Variants in OPRM1 observed in about 807,000 individuals in gnomAD.
The protein encoded by OPRM1 is mu-type opioid receptor.
A neutral mutation model predicts 31.8 loss-of-function variants in OPRM1; 27 were observed. That is an observed-to-expected ratio of 0.85 (90% CI 0.63 to 1.17). OPRM1 has a LOEUF of 1.17. OPRM1 is among the 50% of genes most tolerant of loss of function. OPRM1 has a pLI of 0.00. For synonymous variants in OPRM1, 196 were observed against 189.9 expected (o/e 1.03, Z -0.26); for missense variants, 536 against 511.1 (o/e 1.05, Z -0.47).
intron 1 of OPRM1, among the ~76,000 whole-genome samples, chr6:154,023,214 T>A (rs966868064): frequency 6.6e-6 from 1 of 151,026 alleles, no homozygotes; most frequent in Non-Finnish European, 1.5e-5. Context: ...TTAGTGTCCT[T>A]TTACATTTCT....
At chr6:154,174,176 T>G (rs1457722446) in intron 3 of OPRM1, among the ~76,000 whole-genome samples, 1 of 152,124 alleles carries the variant, frequency 6.6e-6, no homozygotes, top group Non-Finnish European at 1.5e-5. Flanking sequence ...AAGGAAGTAC[T>G]AAACATGGAA....
At chr6:154,214,641 A>C (rs1778238341) in intron 3 of OPRM1, among the ~76,000 whole-genome samples, 1 of 152,210 alleles carries the variant, frequency 6.6e-6, no homozygotes, top group Non-Finnish European at 1.5e-5. Context: ...TAAAGTTATT[A>C]GGTGTTACTC....
Position 154,119,276 on chromosome 6 carries a change from G to T in OPRM1, c.*555G>T, listed in dbSNP as rs531488142. On this transcript the variant is annotated 3_prime_UTR_variant, in exon 4 of 4. Coordinates refer to ENST00000330432, the MANE Select transcript of OPRM1 (RefSeq NM_000914.5). ...CACCTCCATTTCTTGGTTTTGTATT[G>T]TTTAAAAAAATAACATCTCTTTCAT... 2.0e-6 allele frequency: 2 copies of T among 985,476 alleles called. No homozygotes were observed. Among genetic ancestry groups the T allele is most frequent in the Admixed American group, 6.1e-5 (1 of 16,286 alleles). The allele number at this position is 985,476 out of a possible 1,614,324, so 61.0% of individuals were successfully genotyped here.
chr6:154,209,667 T>C lies in OPRM1; in HGVS notation c.1165-37026T>C, dbSNP rs1242238700. Among the ~76,000 whole-genome samples, 5 of 151,278 alleles carry C rather than the reference T, an allele frequency of 3.3e-5. No homozygotes were observed. The East Asian group carries it at 9.7e-4, about 29-fold the overall frequency. On this transcript the variant is annotated intron_variant, in intron 3 of 3. Transcript: ENST00000337049. ...TCAAAAAAAAAAAAAAAAAAGTTAC[T>C]ATATATTTTTTTTATTTCATCTGTT... is the stretch of plus-strand genomic sequence containing the variant.
intron 2 of OPRM1, among the ~76,000 whole-genome samples, 187 bp from the exon 3 acceptor site, chr6:154,090,765 C>T (rs988680477): frequency 4.6e-5 from 7 of 152,098 alleles, no homozygotes; most frequent in Admixed American, 4.6e-4. Flanking sequence ...TAGAAAAAAA[C>T]AAAAAACATT....
At chr6:154,196,894 T>G (rs1181385584) in intron 3 of OPRM1, among the ~76,000 whole-genome samples, 1 of 152,230 alleles carries the variant, frequency 6.6e-6, no homozygotes, top group Non-Finnish European at 1.5e-5. Flanking sequence ...ACAGAGTATT[T>G]AAATTCAGCA....
rs373120574 is a variant in OPRM1 at position 154,019,747 on chromosome 6, CT to C, written c.-1+8747del. On this transcript the variant is annotated intron_variant, in intron 1 of 5. Coordinates refer to the OPRM1 transcript ENST00000434900. Reference sequence around the variant, plus strand: ...TAGTGGCTTTCTTTTCTTTTCTTTTCTTTTTTTTTTTTTTTTTTGAGACAGG... The same window carrying C: ...TAGTGGCTTTCTTTTCTTTTCTTTTCTTTTTTTTTTTTTTTTTGAGACAGG... Among the ~76,000 whole-genome samples, 951 of 121,968 alleles carry C rather than the reference CT, an allele frequency of 7.8e-3. 7 individuals are homozygous for C. Among genetic ancestry groups the C allele is most frequent in the Admixed American group, 0.01 (130 of 12,440 alleles). 80.0% of individuals were successfully genotyped at this position (121,968 alleles called of 152,430 possible).
At chr6:154,087,548 C>G (rs1790901245) in intron 1 of OPRM1, 1 of 985,348 alleles carries the variant, frequency 1.0e-6, no homozygotes, top group Admixed American at 6.1e-5. Context: ...CAAGCTCCTC[C>G]AGCAACTACA....
chr6:154,049,730 A>G (rs1246274048), intron 1 of OPRM1, among the ~76,000 whole-genome samples: 1 of 152,170 alleles, frequency 6.6e-6, no homozygotes, highest in Non-Finnish European at 1.5e-5. Context: ...TGAAAACAAA[A>G]TGGATTCCCA....
chr6:154,096,985 A>G (rs1793505623), intron 3 of OPRM1, among the ~76,000 whole-genome samples: 1 of 152,256 alleles, frequency 6.6e-6, no homozygotes, highest in South Asian at 2.1e-4. Context: ...TCTCCAAAGT[A>G]GCACATTTAC....
At chr6:154,115,524 A>G (rs993652174) in intron 3 of OPRM1, among the ~76,000 whole-genome samples, 3 of 152,154 alleles carry the variant, frequency 2.0e-5, no homozygotes, top group African/African-American at 7.2e-5. Context: ...TGGGTGACAG[A>G]GTGAGGCTCT....
intron 1 of OPRM1, among the ~76,000 whole-genome samples, chr6:154,070,940 G>C (rs1786572722): frequency 6.6e-6 from 1 of 152,132 alleles, no homozygotes; most frequent in South Asian, 2.1e-4. Flanking sequence ...GCAGGTTTTT[G>C]TTTCTTAATC....
chr6:154,202,953 T>C (rs1777192564), intron 3 of OPRM1, among the ~76,000 whole-genome samples: 1 of 152,152 alleles, frequency 6.6e-6, no homozygotes, highest in Non-Finnish European at 1.5e-5. Flanking sequence ...GGAGTTTTCA[T>C]TGGAAAAGAG....
rs573294559 is a variant in OPRM1, at chr6:154,068,632, A to G, written c.291-21194A>G. Among the ~76,000 whole-genome samples, 38 of 152,194 alleles carry G rather than the reference A, an allele frequency of 2.5e-4. No individual in the cohort carries two copies. The Middle Eastern group carries it at 0.01, about 41-fold the overall frequency. ...TAATGGACACTGAGATTTATTCCAT[A>G]TCTTGGTTATTGTGAATAGTGCTGC... is the stretch of plus-strand genomic sequence containing the variant. On this transcript the variant is annotated intron_variant, in intron 1 of 3. Coordinates refer to ENST00000330432, the MANE Select transcript of OPRM1 (RefSeq NM_000914.5).
At chr6:154,015,307 T>C (rs1777943197) in intron 1 of OPRM1, among the ~76,000 whole-genome samples, 1 of 152,044 alleles carries the variant, frequency 6.6e-6, no homozygotes, top group African/African-American at 2.4e-5. Flanking sequence ...GAGAGACTAA[T>C]GGCACAAAAT....
chr6:154,195,390 G>A (rs1024070772), intron 3 of OPRM1, among the ~76,000 whole-genome samples: 12 of 151,932 alleles, frequency 7.9e-5, no homozygotes, highest in Admixed American at 2.0e-4. Flanking sequence ...CTTGTGATCC[G>A]CCCACCTCGG....
Position 154,119,926 on chromosome 6 carries a change from AAAGTGTCGATCTTCT to A in OPRM1, c.*1210_*1224del. Among the ~76,000 whole-genome samples, 1 of 152,204 alleles carries A rather than the reference AAAGTGTCGATCTTCT, an allele frequency of 6.6e-6. No homozygotes were observed. Among genetic ancestry groups the A allele is most frequent in the African/African-American group, 2.4e-5 (1 of 41,458 alleles). Reference sequence around the variant, plus strand: ...TGCTAAATGTCAAGATTTCCTTTGTAAAGTGTCGATCTTCTAAGTAGTTTCTTTAAGACAATTCTC... The same window carrying A: ...TGCTAAATGTCAAGATTTCCTTTGTAAAGTAGTTTCTTTAAGACAATTCTC... On this transcript the variant is annotated 3_prime_UTR_variant, in exon 4 of 4. Coordinates refer to ENST00000330432, the MANE Select transcript of OPRM1 (RefSeq NM_000914.5).
chr6:154,239,192 G>A (rs2128634327), intron 3 of OPRM1, among the ~76,000 whole-genome samples: 1 of 152,170 alleles, frequency 6.6e-6, no homozygotes, highest in African/African-American at 2.4e-5. Context: ...AGAATTTAAA[G>A]GAAAATAATA....
At position 154,128,371 on chromosome 6, in the gene OPRM1, C is replaced by A. The variant is rs1273805939; in HGVS notation, c.*9650C>A. 6.6e-6 allele frequency among the ~76,000 whole-genome samples: 1 copy of A among 152,176 alleles called. No homozygotes were observed. The highest frequency in any genetic ancestry group is 2.4e-5 in the African/African-American group (1 of 41,440). On this transcript the variant is annotated 3_prime_UTR_variant, in exon 4 of 4. Transcript: ENST00000330432. ...TAACTAAATCTTATCATAAGCAAAT[C>A]TATGCACCAAATTATTTAGTACAAT...
Sources: allele counts gnomAD v4.1 joint callset (sites outside exome capture counted in the v4.1 genomes callset), GRCh38; gene constraint gnomAD v4.1.1; transcripts MANE v1.5; gene names NCBI Gene and HGNC (gene_info 2026-07-23, HGNC 2026-07-21).